The following C3orf52 variants were observed in gnomAD, a reference collection of about 807,000 sequenced individuals.
C3orf52 encodes TPA-induced transmembrane protein.
In C3orf52, 22 loss-of-function variants were observed where a neutral mutation model predicts 24.8. The ratio of observed to expected loss-of-function variants is 0.89; its 90% confidence interval spans 0.63 to 1.27. The LOEUF is 1.27. Ranked by LOEUF, C3orf52 falls within the 50% of genes most tolerant of loss-of-function variation. The pLI is 0.00. For synonymous variants in C3orf52, 93 were observed against 100.2 expected (o/e 0.93, Z 0.43); for missense variants, 265 against 260.7 (o/e 1.02, Z -0.11).
At chr3:112,104,396 G>C (rs1484724219) in intron 3 of C3orf52, among the ~76,000 whole-genome samples, 1 of 152,282 alleles carries the variant, frequency 6.6e-6, no homozygotes, top group East Asian at 1.9e-4. Flanking sequence ...GCCATTGCTA[G>C]GTTGAATGGA....
chr3:112,093,846 CATTT>C (rs2073901863), intron 2 of C3orf52, among the ~76,000 whole-genome samples: 1 of 151,990 alleles, frequency 6.6e-6, no homozygotes, highest in African/African-American at 2.4e-5. Flanking sequence ...TTTTTCTTTT[CATTT>C]GTTTGCTAAA....
intron 4 of C3orf52, chr3:112,125,180 A>T (rs775893026): frequency 7.8e-7 from 1 of 1,274,212 alleles, no homozygotes; most frequent in Non-Finnish European, 1.1e-6. Context: ...GGGTGTCTGT[A>T]CTTCTATCAT....
chr3:112,125,026 C>T (rs1030704295), intron 4 of C3orf52, among the ~76,000 whole-genome samples: 1 of 152,130 alleles, frequency 6.6e-6, no homozygotes, highest in African/African-American at 2.4e-5. Context: ...AAGTTCCTTT[C>T]AATAAATTAT....
intron 4 of C3orf52, among the ~76,000 whole-genome samples, chr3:112,125,676 G>A (rs2074301295): frequency 1.3e-5 from 2 of 150,100 alleles, no homozygotes. Context: ...TAGCACAGGA[G>A]ACAGACAAGG....
rs544627808 is a variant in C3orf52, at chr3:112,117,679, C to T, written c.*1033C>T. On this transcript the variant is annotated 3_prime_UTR_variant, in exon 6 of 6. Transcript: ENST00000264848. The stretch of plus-strand genomic sequence containing the variant: ...TGGTTGTGATACAAGAAGAACCACT[C>T]TTCTTTGAAAATAAACTCTTGGAAG... 152 of 152,306 alleles carry T rather than the reference C, an allele frequency of 1.0e-3. 1 individual carries two copies. The highest frequency in any genetic ancestry group is 3.6e-3 in the African/African-American group (149 of 41,550). 9.4% of individuals were successfully genotyped at this position (152,306 alleles called of 1,614,324 possible). A position where few individuals can be genotyped will look rare whatever the true frequency, so the allele number is the denominator to read the frequency against.
downstream of C3orf52, chr3:112,120,729 A>G (rs2074179866): frequency 6.6e-6 from 1 of 152,132 alleles, no homozygotes; most frequent in Non-Finnish European, 1.5e-5. Flanking sequence ...ATCGTATACA[A>G]ATGTGTGTGT....
chr3:112,129,657 A>G (rs755796529), downstream of C3orf52: 13 of 152,344 alleles, frequency 8.5e-5, no homozygotes, highest in East Asian at 1.9e-4. Flanking sequence ...AATATGCCCA[A>G]TGATACCCCT....
chr3:112,100,753 T>C (rs1181554798), intron 2 of C3orf52, among the ~76,000 whole-genome samples: 2 of 152,222 alleles, frequency 1.3e-5, no homozygotes, highest in Non-Finnish European at 2.9e-5. Flanking sequence ...ATAAATGTCA[T>C]ATTTAAGAAA....
chr3:112,093,612 G>A (rs761983284), intron 2 of C3orf52, 123 bp downstream of exon 2: 8 of 952,330 alleles, frequency 8.4e-6, no homozygotes, highest in South Asian at 3.7e-5. Flanking sequence ...ATTTAAGACC[G>A]GCTTGGAATA....
chr3:112,122,307 A>G (rs530185511), downstream of C3orf52: 1 of 152,266 alleles, frequency 6.6e-6, no homozygotes, highest in East Asian at 1.9e-4. Flanking sequence ...CAACTCTCCC[A>G]TGGTTGAACA....
At position 112,114,588 on chromosome 3, in the gene C3orf52, C is replaced by T. The variant is rs904196266; in HGVS notation, c.649+1443C>T. On this transcript the variant is annotated intron_variant, in intron 5 of 5. Transcript: ENST00000264848. ...GCATGGTGGCAGGTGCTTATAATCC[C>T]AGCTACTCGGGAGACTGAGGCAGGA... Among the ~76,000 whole-genome samples the T allele has an allele frequency of 2.0e-5, 3 of 151,954 alleles. No individual in the cohort carries two copies. The East Asian group carries it at 5.8e-4, about 29-fold the overall frequency.
downstream of C3orf52, chr3:112,119,677 T>A: frequency 6.8e-6 from 4 of 591,168 alleles, no homozygotes; most frequent in Non-Finnish European, 1.2e-5. Flanking sequence ...GTCCTCCTTC[T>A]CCTCTCCCAT....
chr3:112,105,642 C>T (rs545353027), intron 3 of C3orf52, among the ~76,000 whole-genome samples: 79 of 150,910 alleles, frequency 5.2e-4, no homozygotes, highest in African/African-American at 1.8e-3. Flanking sequence ...ACATGATCTG[C>T]CTGGAGTTAG....
At chr3:112,089,788 CTGT>C (rs2073861525) in intron 1 of C3orf52, among the ~76,000 whole-genome samples, 1 of 152,128 alleles carries the variant, frequency 6.6e-6, no homozygotes, top group African/African-American at 2.4e-5. Context: ...TATCCTGCCA[CTGT>C]TGCAGGATCC....
chr3:112,128,079 G>A, intron 4 of C3orf52: 1 of 1,611,230 alleles, frequency 6.2e-7, no homozygotes, highest in East Asian at 2.2e-5. Context: ...ACCCAAGAGA[G>A]ATGGCAAATC....
chr3:112,126,696 T>G (rs1430317883), intron 4 of C3orf52, among the ~76,000 whole-genome samples: 2 of 152,190 alleles, frequency 1.3e-5, no homozygotes, highest in Non-Finnish European at 2.9e-5. Context: ...TTCTTGCAGT[T>G]TCTTGTAAGT....
the C3orf52 span, among the ~76,000 whole-genome samples, chr3:112,136,324 G>A: frequency 2.6e-5 from 4 of 152,062 alleles, no homozygotes; most frequent in Non-Finnish European, 5.9e-5. Context: ...GATTGCCTGT[G>A]GTGTGCATTA....
intron 2 of C3orf52, among the ~76,000 whole-genome samples, chr3:112,096,595 C>T (rs1002335237): frequency 1.2e-4 from 18 of 152,124 alleles, no homozygotes; most frequent in African/African-American, 3.9e-4. Context: ...ATAACTAAGA[C>T]GGAATTTCTT....
chr3:112,132,748 G>T, downstream of C3orf52: 1 of 691,558 alleles, frequency 1.4e-6, no homozygotes, highest in Non-Finnish European at 1.8e-6. Flanking sequence ...ACCTCCTTGT[G>T]GAGCATGAGG....
Sources: allele counts gnomAD v4.1 joint callset (sites outside exome capture counted in the v4.1 genomes callset), GRCh38; gene constraint gnomAD v4.1.1; transcripts MANE v1.5; gene names NCBI Gene and HGNC (gene_info 2026-07-23, HGNC 2026-07-21).